SDK1: variants seen among roughly 807,000 people sequenced by gnomAD.
The protein encoded by SDK1 is protein sidekick-1.
Under a neutral mutation model 245.5 loss-of-function variants are expected in SDK1, and 157 were observed. The observed-to-expected ratio is 0.64, with a 90% CI of 0.56 to 0.73. The LOEUF is 0.73. Ranked by LOEUF, SDK1 falls within the 30% of genes least tolerant of loss-of-function variation. SDK1 has a pLI of 0.00. For missense variants in SDK1, 3,583 were observed against 3,002.3 expected (o/e 1.19, Z -4.52); for synonymous variants, 1,647 against 1,278.5 (o/e 1.29, Z -6.15).
At chr7:3,995,596 A>G (rs1313950183) in intron 14 of SDK1, among the ~76,000 whole-genome samples, 1 of 152,204 alleles carries the variant, frequency 6.6e-6, no homozygotes, top group Non-Finnish European at 1.5e-5. Flanking sequence ...GAAGGCAATC[A>G]TTTGAATAAT....
At chr7:3,713,191 T>C (rs1219134865) in intron 4 of SDK1, among the ~76,000 whole-genome samples, 1 of 152,212 alleles carries the variant, frequency 6.6e-6, no homozygotes, top group East Asian at 1.9e-4. Context: ...GTCCGGCTGC[T>C]CAGCGAATTG....
At chr7:3,892,886 G>C (rs1190027771) in intron 5 of SDK1, among the ~76,000 whole-genome samples, 1 of 152,154 alleles carries the variant, frequency 6.6e-6, no homozygotes, top group Non-Finnish European at 1.5e-5. Flanking sequence ...TATTAACCAA[G>C]AGTTAAGCAG....
intron 1 of SDK1, chr7:3,338,510 G>A (rs1430979452): frequency 4.4e-6 from 2 of 459,052 alleles, no homozygotes; most frequent in Non-Finnish European, 8.4e-6. Flanking sequence ...CAGCTGAAGA[G>A]CCAGCCTGTT....
At chr7:4,080,982 T>C (rs1781018646) in intron 22 of SDK1, among the ~76,000 whole-genome samples, 1 of 152,248 alleles carries the variant, frequency 6.6e-6, no homozygotes, top group South Asian at 2.1e-4. Flanking sequence ...CAATGTCTCA[T>C]GAAAACCAAT....
At chr7:3,979,134 G>A (rs891276026) in intron 13 of SDK1, among the ~76,000 whole-genome samples, 1 of 152,164 alleles carries the variant, frequency 6.6e-6, no homozygotes, top group Non-Finnish European at 1.5e-5. Context: ...CTACTTGTGT[G>A]ACTTTGGACA....
chr7:3,718,521 CAATAAATAAATAAATAAATAAATAAATA>C (rs55995629), intron 4 of SDK1, among the ~76,000 whole-genome samples: 2,655 of 134,056 alleles, frequency 0.02, 31 homozygotes, highest in African/African-American at 0.04. Flanking sequence ...AACTGTATCT[CAATAAATAAATAAATAAATAAATAAATA>C]AATAAATAAA....
In SDK1 at chr7:3,398,458, G is replaced by A. The variant is rs74754816; in HGVS notation, c.298+96574G>A. ...TTCTGTGAGACAGGGATGCTAGAGG[G>A]GACTGAGTTGTATAATCACCTTCCC... On this transcript the variant is annotated intron_variant, in intron 1 of 44. Transcript: ENST00000404826. Among the ~76,000 whole-genome samples the A allele has an allele frequency of 9.3e-3, 1,412 of 151,796 alleles. 25 individuals carry two copies. The highest frequency in any genetic ancestry group is 0.032 in the African/African-American group (1,328 of 41,392).
intron 5 of SDK1, among the ~76,000 whole-genome samples, chr7:3,911,624 A>G (rs960333377): frequency 6.6e-6 from 1 of 152,102 alleles, no homozygotes; most frequent in South Asian, 2.1e-4. Flanking sequence ...CAACATATGA[A>G]TTTTGGGAGG....
chr7:3,769,149 C>G (rs1780336164), intron 4 of SDK1, among the ~76,000 whole-genome samples: 1 of 152,136 alleles, frequency 6.6e-6, no homozygotes, highest in African/African-American at 2.4e-5. Context: ...ATCCCATGGA[C>G]CCCTTTACCT....
At chr7:3,610,656 C>G (rs142005669) in intron 1 of SDK1, among the ~76,000 whole-genome samples, 1 of 152,218 alleles carries the variant, frequency 6.6e-6, no homozygotes, top group Non-Finnish European at 1.5e-5. Context: ...GTGGATTAAT[C>G]TCACTGGAAG....
chr7:4,134,592 A>G (rs892130944), intron 28 of SDK1, among the ~76,000 whole-genome samples: 1 of 152,198 alleles, frequency 6.6e-6, no homozygotes, highest in African/African-American at 2.4e-5. Flanking sequence ...TGACAGAGTC[A>G]CAGGAGTCCA....
rs565607419 is a variant in SDK1 at position 3,770,912 on chromosome 7, G to GT, written c.714-50536dup. Among the ~76,000 whole-genome samples, 949 of 152,252 alleles carry GT rather than the reference G, an allele frequency of 6.2e-3. 13 individuals carry two copies. Among genetic ancestry groups the GT allele is most frequent in the Admixed American group, 0.01 (155 of 15,298 alleles). The stretch of plus-strand genomic sequence containing the variant: ...TGAGGGAAGGAAGGTAACATTCTTT[G>GT]TTGCCATCTTCCTCCAGTCCTGGGG... On this transcript the variant is annotated intron_variant, in intron 4 of 44. Transcript: ENST00000404826.
intron 4 of SDK1, among the ~76,000 whole-genome samples, chr7:3,802,205 T>C (rs963221527): frequency 1.3e-5 from 2 of 152,094 alleles, no homozygotes; most frequent in Non-Finnish European, 2.9e-5. Flanking sequence ...TTTTACTACA[T>C]GTGCAGATGT....
At chr7:4,121,148 G>A (rs1358285419) in intron 25 of SDK1, among the ~76,000 whole-genome samples, 1 of 152,036 alleles carries the variant, frequency 6.6e-6, no homozygotes, top group East Asian at 1.9e-4. Context: ...ACCCTGAGGA[G>A]ACTTTCTCTA....
intron 1 of SDK1, among the ~76,000 whole-genome samples, chr7:3,358,681 A>G (rs907358142): frequency 8.5e-5 from 13 of 152,186 alleles, no homozygotes; most frequent in African/African-American, 1.7e-4. Flanking sequence ...AGCTTTGAGC[A>G]TTGATACTGA....
At chr7:3,403,479 C>G (rs999441693) in intron 1 of SDK1, among the ~76,000 whole-genome samples, 8 of 151,708 alleles carry the variant, frequency 5.3e-5, no homozygotes, top group Non-Finnish European at 8.8e-5. Flanking sequence ...TCATAAATAC[C>G]ATGAAAAACA....
At chr7:3,700,185 C>A (rs1327731915) in intron 4 of SDK1, among the ~76,000 whole-genome samples, 1 of 152,082 alleles carries the variant, frequency 6.6e-6, no homozygotes, top group East Asian at 1.9e-4. Flanking sequence ...ATAATACCTA[C>A]CCTTAAAGAA....
intron 28 of SDK1, among the ~76,000 whole-genome samples, chr7:4,142,671 C>T (rs1309070426): frequency 1.3e-5 from 2 of 152,126 alleles, no homozygotes; most frequent in Non-Finnish European, 2.9e-5. Context: ...CCATGTTGGC[C>T]AGGCTGGTCT....
chr7:3,818,620 G>A (rs1277258607), intron 4 of SDK1, among the ~76,000 whole-genome samples: 1 of 152,170 alleles, frequency 6.6e-6, no homozygotes. Flanking sequence ...GTATTGGAGT[G>A]TTTTGATTTC....
Sources: gnomAD v4.1 joint callset for allele counts (sites outside exome capture counted in the v4.1 genomes callset) on GRCh38, gnomAD v4.1.1 for gene constraint, MANE v1.5 for transcripts, NCBI Gene and HGNC (gene_info 2026-07-23, HGNC 2026-07-21) for gene names.